TDRD7: variants seen among roughly 807,000 people sequenced by gnomAD.
TDRD7 encodes the protein tudor domain-containing protein 7.
TDRD7 carries 47 observed loss-of-function variants against 109.8 expected under a neutral mutation model. The ratio of observed to expected loss-of-function variants is 0.43; its 90% CI spans 0.34 to 0.55. The LOEUF (loss-of-function observed/expected upper bound fraction) is 0.55. Among genes scored for constraint, TDRD7 ranks in the 20% least tolerant of loss-of-function variants. The pLI is 0.03. For synonymous variants in TDRD7, 424 were observed against 457.3 expected (o/e 0.93, Z 0.93); for missense variants, 1,164 against 1,319.2 (o/e 0.88, Z 1.82).
chr9:97,482,341 T>C (rs745514617), intron 14 of TDRD7, among the ~76,000 whole-genome samples: 3 of 152,164 alleles, frequency 2.0e-5, no homozygotes, highest in Non-Finnish European at 4.4e-5. Context: ...AGAGGGGTGC[T>C]TACAGATATG....
At position 97,412,096 on chromosome 9, in the gene TDRD7, G is replaced by A; in HGVS notation, c.-149G>A. The A allele has an allele frequency of 6.6e-6, 1 of 152,580 alleles. No individual in the cohort carries two copies. Among genetic ancestry groups the A allele is most frequent in the Non-Finnish European group, 1.5e-5 (1 of 68,090 alleles). 9.5% of individuals were successfully genotyped at this position (152,580 alleles called of 1,614,324 possible). A position where few individuals can be genotyped will look rare whatever the true frequency, so the allele number is the denominator to read the frequency against. ...GCCGAGCAGGGCGGGGCGGGGGCTT[G>A]AGGTGATTCCCAAGCCGCGGGGCGG... On this transcript the variant is annotated 5_prime_UTR_variant, in exon 1 of 17. Transcript: ENST00000355295. The surrounding 1 kb of genome is among the most constrained non-coding windows in gnomAD (Gnocchi z 4.3).
At chr9:97,426,011 G>T (rs775824986) in intron 1 of TDRD7, among the ~76,000 whole-genome samples, 1 of 152,154 alleles carries the variant, frequency 6.6e-6, no homozygotes, top group Non-Finnish European at 1.5e-5. Context: ...ACAATGGTAA[G>T]TATTCGTGTA....
intron 2 of TDRD7, 108 bp from the exon 3 acceptor site, chr9:97,430,825 C>T (rs1395803788): frequency 2.2e-6 from 3 of 1,339,612 alleles, no homozygotes; most frequent in Non-Finnish European, 3.2e-6. Flanking sequence ...TTGCATACCA[C>T]TTGACTTGGG....
chr9:97,479,262 A>G (rs1587891192), intron 13 of TDRD7, among the ~76,000 whole-genome samples: 1 of 152,208 alleles, frequency 6.6e-6, no homozygotes, highest in African/African-American at 2.4e-5. Flanking sequence ...GGCTTTTGAC[A>G]TGTCTCTCCC....
chr9:97,460,637 G>C lies in TDRD7; in HGVS notation c.1315G>C (p.Glu439Gln). Residue 439 changes from glutamate to glutamine, a missense_variant, in exon 7 of 17, where the codon GAA becomes CAA. By Grantham distance (29) the Glu-to-Gln change is conservative (BLOSUM62 2). Around this residue, in one of 5 missense-constraint regions of TDRD7, gnomAD observed 407 missense variants for 394.0 expected, o/e 1.03. Transcript: ENST00000355295. ...MVEQEYLQVE[E>Q]SIAESANTFM... ...TGAACAAGAGTATTTGCAGGTAGAA[G>C]AAAGCATTGCTGAAAGTGCTAATAC... is the stretch of plus-strand genomic sequence containing the variant. 1.2e-6 allele frequency: 2 copies of C among 1,614,204 alleles called. No homozygotes were observed. The highest frequency in any genetic ancestry group is 1.7e-6 in the Non-Finnish European group (2 of 1,180,026).
chr9:97,436,993 A>G (rs1240439840), intron 4 of TDRD7, among the ~76,000 whole-genome samples: 2 of 152,096 alleles, frequency 1.3e-5, no homozygotes, highest in African/African-American at 2.4e-5. Context: ...TTCCTCCTCT[A>G]TCTCCTAATT....
chr9:97,441,303 T>C (rs1050731435), intron 5 of TDRD7, among the ~76,000 whole-genome samples: 3 of 152,230 alleles, frequency 2.0e-5, no homozygotes, highest in African/African-American at 4.8e-5. Context: ...TAAACTAATA[T>C]ATAAAATGCA....
In TDRD7 at chr9:97,472,513, G is replaced by A. The variant is rs980728833; in HGVS notation, c.1944+18G>A. The A allele has an allele frequency of 1.3e-6, 2 of 1,592,442 alleles. No individual in the cohort carries two copies. The highest frequency in any genetic ancestry group is 1.7e-6 in the Non-Finnish European group (2 of 1,160,766). Reference sequence around the variant, plus strand: ...ACCTGCAGGTACCACTGTGATCACTGTTGTTGCTTGTTACACATTTTGTAT... The same window carrying A: ...ACCTGCAGGTACCACTGTGATCACTATTGTTGCTTGTTACACATTTTGTAT... On this transcript the variant is annotated intron_variant, in intron 10 of 16. Coordinates refer to ENST00000355295, the MANE Select transcript of TDRD7 (RefSeq NM_014290.3).
At chr9:97,426,162 T>C (rs1827990775) in intron 1 of TDRD7, among the ~76,000 whole-genome samples, 1 of 152,242 alleles carries the variant, frequency 6.6e-6, no homozygotes, top group African/African-American at 2.4e-5. Context: ...TGAATGAATG[T>C]GAAGGCCTAG....
chr9:97,462,913 T>G (rs1325043292), intron 7 of TDRD7, among the ~76,000 whole-genome samples: 1 of 152,228 alleles, frequency 6.6e-6, no homozygotes, highest in Admixed American at 6.5e-5. Context: ...AGCCTGTGTT[T>G]GGCAGACCAC....
chr9:97,496,119 T>C lies in TDRD7; in HGVS notation c.*236T>C. ...ATATTAGAATAAAAATGTTTATCAA[T>C]ATAAAAGCTGACTACCTTTTAATTT... On this transcript the variant is annotated 3_prime_UTR_variant, in exon 17 of 17. Coordinates refer to ENST00000355295, the MANE Select transcript of TDRD7 (RefSeq NM_014290.3). 1 of 448,912 alleles carries C rather than the reference T, an allele frequency of 2.2e-6. No homozygotes were observed. The highest frequency in any genetic ancestry group is 2.3e-5 in the South Asian group (1 of 42,600). 27.8% of individuals were successfully genotyped at this position (448,912 alleles called of 1,614,324 possible). A position where few individuals can be genotyped will look rare whatever the true frequency, so the allele number is the denominator to read the frequency against.
chr9:97,484,441 T>C (rs185134258), intron 15 of TDRD7, among the ~76,000 whole-genome samples: 2 of 151,674 alleles, frequency 1.3e-5, no homozygotes, highest in East Asian at 3.9e-4. Context: ...TTATCAATGC[T>C]GAACACAAAG....
At chr9:97,437,554 G>A (rs1188979250) in intron 4 of TDRD7, among the ~76,000 whole-genome samples, 2 of 152,148 alleles carry the variant, frequency 1.3e-5, no homozygotes, top group African/African-American at 2.4e-5. Context: ...GTTACTCAAG[G>A]GGAAGGGATT....
At chr9:97,446,005 G>A (rs1828393931) in intron 6 of TDRD7, among the ~76,000 whole-genome samples, 1 of 152,114 alleles carries the variant, frequency 6.6e-6, no homozygotes, top group African/African-American at 2.4e-5. Flanking sequence ...GGTGATGCAT[G>A]CTTGTAGTTC....
In TDRD7 at chr9:97,419,707, T is replaced by C. The variant is rs115019441; in HGVS notation, c.-7+7469T>C. On this transcript the variant is annotated intron_variant, in intron 1 of 16. Coordinates refer to ENST00000355295, the MANE Select transcript of TDRD7 (RefSeq NM_014290.3). ...ACACCAGCCCTGTGACTAAGTGGAG[T>C]CAGCTGTGGATTTCACACCACTGTT... 2.0e-3 allele frequency among the ~76,000 whole-genome samples: 299 copies of C among 152,228 alleles called. 1 individual carries two copies. Among genetic ancestry groups the C allele is most frequent in the African/African-American group, 6.7e-3 (279 of 41,514 alleles).
intron 1 of TDRD7, among the ~76,000 whole-genome samples, chr9:97,419,253 A>AGAGCACATAGATGGGGAAGGTG (rs1827860077): frequency 1.3e-5 from 2 of 152,358 alleles, no homozygotes; most frequent in East Asian, 3.9e-4. Flanking sequence ...GAAGGGAAGA[A>AGAGCACATAGATGGGGAAGGTG]GAGCACATAG....
chr9:97,414,140 C>T (rs1827772957), intron 1 of TDRD7, among the ~76,000 whole-genome samples: 1 of 152,158 alleles, frequency 6.6e-6, no homozygotes, highest in Admixed American at 6.5e-5. Context: ...ACTGTTGTTT[C>T]TTTGTGCCAA....
chr9:97,454,120 T>G (rs988640792), intron 6 of TDRD7, among the ~76,000 whole-genome samples: 1 of 152,214 alleles, frequency 6.6e-6, no homozygotes, highest in Non-Finnish European at 1.5e-5. Context: ...ATGGCACTTA[T>G]TCTGAAATTG....
rs766876975 is a variant in TDRD7 at position 97,430,969 on chromosome 9, A to G, written c.244A>G (p.Arg82Gly). ...TGCCATGGCCTGCACAGAAACTGCA[A>G]GAATTGCTCAGCTTGTGGCTCGTCA... ...CYAMACTETA[R>G]IAQLVARQRS... Residue 82 changes from arginine (R) to glycine (G), a missense_variant, in exon 3 of 17, where the codon AGA becomes GGA. Arg to Gly is a moderately radical substitution (Grantham distance 125). Transcript: ENST00000355295. 3 of 1,613,790 alleles carry G rather than the reference A, an allele frequency of 1.9e-6. No individual in the cohort carries two copies. Among genetic ancestry groups the G allele is most frequent in the African/African-American group, 1.3e-5 (1 of 74,900 alleles).
Sources: allele counts gnomAD v4.1 joint callset (sites outside exome capture counted in the v4.1 genomes callset), GRCh38; gene constraint gnomAD v4.1.1; regional missense constraint gnomAD v4.1.1; non-coding constraint Gnocchi (gnomAD v3.1); transcripts MANE v1.5; gene names NCBI Gene and HGNC (gene_info 2026-07-23, HGNC 2026-07-21).